The following FKBP5 variants were observed in gnomAD, a reference collection of about 807,000 sequenced individuals.
The protein encoded by FKBP5 is FKBP prolyl isomerase 5.
In FKBP5, 23 loss-of-function variants were observed where a neutral mutation model predicts 50.5. That is an observed-to-expected ratio of 0.46 (90% CI 0.33 to 0.65). FKBP5 has a LOEUF of 0.65. Among genes scored for constraint, FKBP5 ranks in the 30% least tolerant of loss-of-function variants. The pLI is 0.02. For synonymous variants in FKBP5, 176 were observed against 190.6 expected (o/e 0.92, Z 0.63); for missense variants, 411 against 553.1 (o/e 0.74, Z 2.58).
intron 5 of FKBP5, among the ~76,000 whole-genome samples, chr6:35,606,443 G>T (rs965359539): frequency 2.8e-4 from 43 of 151,938 alleles, no homozygotes; most frequent in African/African-American, 8.2e-4. Flanking sequence ...AGATCATGAG[G>T]TCAGGAGATC....
chr6:35,688,212 CG>C (rs893446106), intron 1 of FKBP5, among the ~76,000 whole-genome samples: 3 of 152,210 alleles, frequency 2.0e-5, no homozygotes, highest in African/African-American at 7.2e-5. Flanking sequence ...ACCCGGAGCG[CG>C]GCCACCCCGC....
At chr6:35,715,659 G>A (rs1766498372) in intron 2 of FKBP5, among the ~76,000 whole-genome samples, 1 of 152,226 alleles carries the variant, frequency 6.6e-6, no homozygotes, top group Non-Finnish European at 1.5e-5. Context: ...CCATGAGGCT[G>A]GAACTTAACG....
At chr6:35,595,106 G>A (rs1028317752) in intron 6 of FKBP5, among the ~76,000 whole-genome samples, 1 of 152,184 alleles carries the variant, frequency 6.6e-6, no homozygotes, top group African/African-American at 2.4e-5. Flanking sequence ...ATTTACAGAG[G>A]GGAAACTGAA....
intron 1 of FKBP5, among the ~76,000 whole-genome samples, chr6:35,650,426 T>A (rs1764767035): frequency 6.6e-6 from 1 of 151,824 alleles, no homozygotes; most frequent in Non-Finnish European, 1.5e-5. Context: ...CAGTTGATGA[T>A]GCCACAATGG....
chr6:35,610,349 G>C (rs1368532811), intron 5 of FKBP5, among the ~76,000 whole-genome samples: 1 of 151,868 alleles, frequency 6.6e-6, no homozygotes, highest in Non-Finnish European at 1.5e-5. Flanking sequence ...GGTGGATCAC[G>C]AGGTCAGGAG....
intron 2 of FKBP5, among the ~76,000 whole-genome samples, chr6:35,714,277 C>A (rs1766471738): frequency 7.1e-6 from 1 of 141,236 alleles, no homozygotes; most frequent in African/African-American, 2.7e-5. Context: ...CATGGTGAAA[C>A]CCCGTCTCTA....
At chr6:35,581,247 AT>A in intron 8 of FKBP5, 1 of 663,584 alleles carries the variant, frequency 1.5e-6, no homozygotes. Flanking sequence ...TCAGTTATAT[AT>A]AATATATATA....
intron 1 of FKBP5, among the ~76,000 whole-genome samples, chr6:35,723,550 A>T (rs1382452711): frequency 1.3e-5 from 2 of 152,256 alleles, no homozygotes; most frequent in African/African-American, 4.8e-5. Flanking sequence ...AAAAGCAAAA[A>T]TAAAAAGTAA....
chr6:35,701,027 A>G (rs991219771), intron 2 of FKBP5, among the ~76,000 whole-genome samples: 1 of 152,160 alleles, frequency 6.6e-6, no homozygotes, highest in Non-Finnish European at 1.5e-5. Flanking sequence ...TTTTAATTTC[A>G]GATAAGCAAC....
At chr6:35,662,457 T>C (rs1765096886) in intron 1 of FKBP5, among the ~76,000 whole-genome samples, 1 of 151,496 alleles carries the variant, frequency 6.6e-6, no homozygotes, top group Admixed American at 6.6e-5. Context: ...TAATTTTTTT[T>C]TTTTTTTGTA....
intron 1 of FKBP5, among the ~76,000 whole-genome samples, chr6:35,673,669 A>G (rs1442692906): frequency 6.6e-6 from 1 of 152,184 alleles, no homozygotes; most frequent in Non-Finnish European, 1.5e-5. Flanking sequence ...CTCAAAGCAG[A>G]TTTTGGAGAC....
chr6:35,642,709 T>C lies in FKBP5; in HGVS notation c.105+11A>G, dbSNP rs1764527571. Reference sequence around the variant, plus strand: ...GGTTTCCTTGTATGTCACTCAGCTTTGTGGCCTCACCTTTAATACTCCCCT... The same window carrying C: ...GGTTTCCTTGTATGTCACTCAGCTTCGTGGCCTCACCTTTAATACTCCCCT... On this transcript the variant is annotated intron_variant, in intron 2 of 10. Transcript: ENST00000357266. 1.2e-6 allele frequency: 2 copies of C among 1,606,112 alleles called. No homozygotes were observed. Among genetic ancestry groups the C allele is most frequent in the East Asian group, 4.5e-5 (2 of 44,786 alleles).
chr6:35,626,702 G>A (rs1368307687), intron 3 of FKBP5, among the ~76,000 whole-genome samples: 3 of 152,062 alleles, frequency 2.0e-5, no homozygotes, highest in African/African-American at 7.2e-5. Context: ...GACTACTCTG[G>A]ATAGATAACT....
intron 5 of FKBP5, among the ~76,000 whole-genome samples, chr6:35,598,826 C>G (rs1763060403): frequency 6.6e-6 from 1 of 151,888 alleles, no homozygotes; most frequent in African/African-American, 2.4e-5. Flanking sequence ...CAAAAAATAG[C>G]CAGGTGTGGT....
chr6:35,642,817 G>C lies in FKBP5; in HGVS notation c.8C>G (p.Thr3Ser), dbSNP rs1764533195. MT[T>S]DEGAKNNEES... ...TTCATTGTTCTTGGCACCTTCATCA[G>C]TAGTCATTGTCTTTTAAGTAGAGAA... is the stretch of plus-strand genomic sequence containing the variant. The change falls in exon 2 of 11, where the codon ACT becomes AGT. Residue 3 changes from threonine to serine, a missense_variant. Coordinates refer to ENST00000357266, the MANE Select transcript of FKBP5 (RefSeq NM_004117.4). 3 of 1,613,198 alleles carry C rather than the reference G, an allele frequency of 1.9e-6. No homozygotes were observed. The highest frequency in any genetic ancestry group is 2.5e-6 in the Non-Finnish European group (3 of 1,179,708).
At chr6:35,727,383 G>A (rs1409116700) in intron 1 of FKBP5, among the ~76,000 whole-genome samples, 1 of 152,186 alleles carries the variant, frequency 6.6e-6, no homozygotes, top group Non-Finnish European at 1.5e-5. Context: ...CTAAACACAG[G>A]GAAGGGTCAG....
At position 35,623,577 on chromosome 6, in the gene FKBP5, T is replaced by C. The variant is rs569281568; in HGVS notation, c.251-3303A>G. Among the ~76,000 whole-genome samples the C allele has an allele frequency of 1.2e-3, 176 of 152,198 alleles. 1 individual carries two copies. Among genetic ancestry groups the C allele is most frequent in the African/African-American group, 4.0e-3 (166 of 41,542 alleles). On this transcript the variant is annotated intron_variant, in intron 3 of 10. Coordinates refer to ENST00000357266, the MANE Select transcript of FKBP5 (RefSeq NM_004117.4). Reference sequence around the variant, plus strand: ...TTTACGAAATGGCTACATCACTTTTTTTTTTTTTAAGAGACAGGGTCTTGC... The same window carrying C: ...TTTACGAAATGGCTACATCACTTTTCTTTTTTTTAAGAGACAGGGTCTTGC...
chr6:35,638,069 T>C (rs1301879593), intron 2 of FKBP5, among the ~76,000 whole-genome samples: 1 of 152,218 alleles, frequency 6.6e-6, no homozygotes, highest in Admixed American at 6.5e-5. Context: ...TAGTAAAGTA[T>C]TTAACTACTG....
At chr6:35,588,484 A>T (rs998147587) in intron 7 of FKBP5, among the ~76,000 whole-genome samples, 11 of 152,064 alleles carry the variant, frequency 7.2e-5, no homozygotes, top group African/African-American at 2.7e-4. Context: ...CTAGTTAATA[A>T]GTCTCTTTGT....
Sources: allele counts gnomAD v4.1 joint callset (sites outside exome capture counted in the v4.1 genomes callset), GRCh38; gene constraint gnomAD v4.1.1; transcripts MANE v1.5; gene names NCBI Gene and HGNC (gene_info 2026-07-23, HGNC 2026-07-21).